The following CC2D2B variants were observed in gnomAD, a reference collection of about 807,000 sequenced individuals.
The protein encoded by CC2D2B is coiled-coil and C2 domain containing 2B, also known as protein CC2D2B.
In CC2D2B, 128 loss-of-function variants were observed where a neutral mutation model predicts 161.2. The observed-to-expected ratio is 0.79, with a 90% CI of 0.69 to 0.92. The LOEUF (loss-of-function observed/expected upper bound fraction) is 0.92, where lower values mean the gene tolerates loss of function less well. Ranked by LOEUF, CC2D2B falls within the 40% of genes least tolerant of loss-of-function variation. The probability of loss-of-function intolerance (pLI) is 0.00; values close to 1 mark genes in which losing one functional copy is unlikely to be tolerated. For synonymous variants in CC2D2B, 391 were observed against 449.8 expected, an observed-to-expected ratio of 0.87 and a Z score of 1.65; for missense variants, 1,173 against 1,375.1, an observed-to-expected ratio of 0.85 and a Z score of 2.32.
intron 17 of CC2D2B, among the ~76,000 whole-genome samples, chr10:95,981,172 T>C (rs2077507535): frequency 6.6e-6 from 1 of 152,068 alleles, no homozygotes; most frequent in Admixed American, 6.5e-5. Context: ...GGGGGGCGGA[T>C]CACAAGGTCA....
chr10:95,977,294 G>T (rs1454058612), intron 17 of CC2D2B, among the ~76,000 whole-genome samples: 1 of 152,152 alleles, frequency 6.6e-6, no homozygotes, highest in Admixed American at 6.5e-5. Context: ...AGAATCGCTT[G>T]AACCTGGGAA....
At chr10:96,002,702 C>G (rs2078553949) in intron 24 of CC2D2B, among the ~76,000 whole-genome samples, 2 of 152,102 alleles carry the variant, frequency 1.3e-5, no homozygotes, top group African/African-American at 2.4e-5. Flanking sequence ...AAGGAAACTT[C>G]CACTTAAAAT....
rs947622600 is a variant in CC2D2B at position 96,033,685 on chromosome 10, T to C, written c.*1677T>C. ...TCATAGGAAAGCATGGAGGACCTTTTTATATTGTATCCTTTTTACATGAGT... is the reference window on the plus strand; with the variant it reads ...TCATAGGAAAGCATGGAGGACCTTTCTATATTGTATCCTTTTTACATGAGT... On this transcript the variant is annotated 3_prime_UTR_variant, in exon 35 of 35. Coordinates refer to ENST00000646931, the MANE Select transcript of CC2D2B (RefSeq NM_001349008.3). 2.0e-5 allele frequency among the ~76,000 whole-genome samples: 3 copies of C among 152,230 alleles called. No homozygotes were observed. Among genetic ancestry groups the C allele is most frequent in the Non-Finnish European group, 4.4e-5 (3 of 68,028 alleles).
rs531148058 is a variant in CC2D2B at position 95,918,161 on chromosome 10, A to G, written c.37-3855A>G. On this transcript the variant is annotated intron_variant, in intron 2 of 34. Transcript: ENST00000646931. ...TATGAGTAGTTTACACACCACAATT[A>G]TGGTGTTATAATATTCTGTATTTGT... 3.2e-4 allele frequency among the ~76,000 whole-genome samples: 48 copies of G among 152,310 alleles called. 1 individual carries two copies. In the South Asian group the frequency reaches 9.5e-3, roughly 30 times the overall value.
chr10:95,918,355 CT>C (rs1381245672), intron 2 of CC2D2B, among the ~76,000 whole-genome samples: 1 of 152,148 alleles, frequency 6.6e-6, no homozygotes, highest in Non-Finnish European at 1.5e-5. Flanking sequence ...TCAATTTCTC[CT>C]TCATCTTTGA....
chr10:95,941,071 G>T (rs991553682), intron 9 of CC2D2B, among the ~76,000 whole-genome samples: 1 of 152,022 alleles, frequency 6.6e-6, no homozygotes, highest in Non-Finnish European at 1.5e-5. Flanking sequence ...TCAAGAGGGT[G>T]CCAAGACTAC....
At chr10:95,952,808 A>G (rs2076448328) in intron 10 of CC2D2B, among the ~76,000 whole-genome samples, 1 of 152,138 alleles carries the variant, frequency 6.6e-6, no homozygotes, top group Admixed American at 6.5e-5. Context: ...TCATTTCTTT[A>G]TGATTAATAA....
In CC2D2B at chr10:95,919,808, G is replaced by A. The variant is rs1408643022; in HGVS notation, c.37-2208G>A. 3.3e-5 allele frequency: 5 copies of A among 151,470 alleles called. No homozygotes were observed. In the South Asian group the frequency reaches 1.0e-3, roughly 32 times the overall value. The allele number at this position is 151,470 out of a possible 1,614,324, so 9.4% of individuals were successfully genotyped here. The stretch of plus-strand genomic sequence containing the variant: ...TGCCATTGAAGTGCGAGGGCCTGGG[G>A]TCAGGGGTTTTAGGAATTTGTTTGG... On this transcript the variant is annotated intron_variant, in intron 2 of 34. Transcript: ENST00000646931.
At chr10:95,916,674 A>G (rs1339876490) in intron 2 of CC2D2B, among the ~76,000 whole-genome samples, 1 of 152,122 alleles carries the variant, frequency 6.6e-6, no homozygotes, top group Non-Finnish European at 1.5e-5. Context: ...CATATTGTGT[A>G]ATTTCCATGT....
chr10:95,913,497 T>G (rs1322933345), intron 2 of CC2D2B: 1 of 316,616 alleles, frequency 3.2e-6, no homozygotes, highest in Non-Finnish European at 6.2e-6. Context: ...GTGGAATTGC[T>G]GGATCATATG....
At chr10:96,017,384 G>GT (rs781357651) in intron 30 of CC2D2B, among the ~76,000 whole-genome samples, 3 of 152,144 alleles carry the variant, frequency 2.0e-5, no homozygotes, top group Non-Finnish European at 4.4e-5. Context: ...TGCCGTAGTT[G>GT]TAAGTGCCAC....
intron 24 of CC2D2B, among the ~76,000 whole-genome samples, chr10:96,001,955 A>G (rs796269594): frequency 2.9e-4 from 44 of 152,364 alleles, no homozygotes; most frequent in African/African-American, 1.1e-3. Context: ...ATAATATTGT[A>G]TAATATCAAG....
chr10:95,959,210 C>T (rs2076680638), intron 11 of CC2D2B, among the ~76,000 whole-genome samples: 1 of 152,092 alleles, frequency 6.6e-6, no homozygotes, highest in Admixed American at 6.6e-5. Context: ...AAAGAAAACT[C>T]CAGGCTCAGA....
intron 6 of CC2D2B, among the ~76,000 whole-genome samples, chr10:95,932,652 T>A (rs2075650075): frequency 6.6e-6 from 1 of 152,252 alleles, no homozygotes; most frequent in South Asian, 2.1e-4. Context: ...TTAGTTTGGC[T>A]GAATATGAAA....
At chr10:95,908,265 G>T (rs1401772690) in intron 1 of CC2D2B, among the ~76,000 whole-genome samples, 6 of 152,314 alleles carry the variant, frequency 3.9e-5, no homozygotes, top group Non-Finnish European at 5.9e-5. Context: ...AAAATCACTC[G>T]AGAGCAGTGT....
chr10:95,928,054 A>G (rs1171388441), intron 6 of CC2D2B, among the ~76,000 whole-genome samples: 2 of 152,032 alleles, frequency 1.3e-5, no homozygotes, highest in Admixed American at 1.3e-4. Context: ...CAGTAGTTCT[A>G]CATAATGTCT....
intron 30 of CC2D2B, chr10:96,018,734 TTC>T (rs2079315454): frequency 9.6e-6 from 1 of 104,486 alleles, no homozygotes; most frequent in Non-Finnish European, 1.9e-5. Context: ...TTCTTTTTCT[TTC>T]TTTTTTTTTT....
At chr10:95,999,568 G>C (rs2078379253) in intron 24 of CC2D2B, among the ~76,000 whole-genome samples, 1 of 151,666 alleles carries the variant, frequency 6.6e-6, no homozygotes, top group Non-Finnish European at 1.5e-5. Context: ...AACCAATTGA[G>C]TAATTTGTTG....
intron 6 of CC2D2B, among the ~76,000 whole-genome samples, chr10:95,935,697 G>A (rs944268972): frequency 1.3e-5 from 2 of 152,132 alleles, no homozygotes; most frequent in African/African-American, 4.8e-5. Flanking sequence ...GTACCAAGGT[G>A]TCTGCCTAGA....
Sources: gnomAD v4.1 joint callset for allele counts (sites outside exome capture counted in the v4.1 genomes callset) on GRCh38, gnomAD v4.1.1 for gene constraint, MANE v1.5 for transcripts, NCBI Gene and HGNC (gene_info 2026-07-23, HGNC 2026-07-21) for gene names.